HHIPL1: variants seen among roughly 807,000 people sequenced by gnomAD.
The protein encoded by HHIPL1 is HHIP-like protein 1.
In HHIPL1, 43 loss-of-function variants were observed where a neutral mutation model predicts 61.8. That is an observed-to-expected ratio of 0.70 (90% CI 0.55 to 0.90). HHIPL1 has a LOEUF of 0.90. HHIPL1 is among the 40% of genes least tolerant of loss of function. The pLI, the probability that HHIPL1 is intolerant of heterozygous loss-of-function variation, is 0.00. For synonymous variants in HHIPL1, 482 were observed against 515.8 expected (o/e 0.93, Z 0.89); for missense variants, 1,056 against 1,157.7 (o/e 0.91, Z 1.28).
At chr14:99,628,973 A>G in the HHIPL1 span, among the ~76,000 whole-genome samples, 1 of 152,274 alleles carries the variant, frequency 6.6e-6, no homozygotes, top group South Asian at 2.1e-4. Flanking sequence ...TGTCCTGGTC[A>G]CCGCGGCGCT....
intron 3 of HHIPL1, among the ~76,000 whole-genome samples, chr14:99,657,672 C>T (rs564444714): frequency 6.6e-6 from 1 of 152,252 alleles, no homozygotes; most frequent in East Asian, 1.9e-4. Flanking sequence ...CTCAAGATCT[C>T]ATTCCATTAC....
chr14:99,640,469 G>A (rs1054201516), upstream of HHIPL1, among the ~76,000 whole-genome samples: 6 of 151,880 alleles, frequency 4.0e-5, no homozygotes, highest in Admixed American at 2.6e-4. Flanking sequence ...ATTTTTTGTC[G>A]AGACAGGGCT....
rs1237983153 is a variant in HHIPL1, at chr14:99,660,323, G to C, written c.1419G>C (p.Lys473Asn). 6.2e-7 allele frequency: 1 copy of C among 1,614,128 alleles called. No homozygotes were observed. The highest frequency in any genetic ancestry group is 1.7e-5 in the Admixed American group (1 of 60,026). The stretch of plus-strand genomic sequence containing the variant: ...TCGCCTACCCGCACACGGTTGGCAA[G>C]TCGGTCACAGGGGGCTACGTGTACC... The part of the protein sequence containing the change: ...PIFAYPHTVG[K>N]SVTGGYVYRG... Residue 473 changes from lysine (K) to asparagine (N), a missense_variant, in exon 5 of 9, where the codon AAG becomes AAC. Lys to Asn is a moderately conservative substitution (Grantham distance 94, BLOSUM62 0). Coordinates refer to ENST00000330710, the MANE Select transcript of HHIPL1 (RefSeq NM_001127258.3). The surrounding 1 kb of genome is among the most constrained non-coding windows in gnomAD (Gnocchi z 4.9).
the HHIPL1 span, among the ~76,000 whole-genome samples, chr14:99,608,164 A>T: frequency 9.9e-3 from 1,511 of 152,192 alleles, 11 homozygotes; most frequent in Non-Finnish European, 0.015. Context: ...CAGCTGGGGT[A>T]TACAGAAGGG....
chr14:99,664,673 A>G (rs2056213586), intron 6 of HHIPL1, among the ~76,000 whole-genome samples: 1 of 152,184 alleles, frequency 6.6e-6, no homozygotes, highest in Admixed American at 6.5e-5. Context: ...TTACAAAACA[A>G]GTACCTCTGC....
rs2055948175 is a variant in HHIPL1 at position 99,652,402 on chromosome 14, T to G, written c.434T>G (p.Phe145Cys). ...GCGCTGGAGGGCAACCTTGCCAGGT[T>G]CTGCCGCTACCTGTCCCTGGATGAC... Reference protein sequence around the residue: ...LWALEGNLARFCRYLSLDDTD... With the variant: ...LWALEGNLARCCRYLSLDDTD... Residue 145 changes from phenylalanine (F) to cysteine (C), a missense_variant, in exon 2 of 9, where the codon TTC becomes TGC. By Grantham distance (205) the Phe-to-Cys change is radical. Coordinates refer to ENST00000330710, the MANE Select transcript of HHIPL1 (RefSeq NM_001127258.3). 3 of 1,614,230 alleles carry G rather than the reference T, an allele frequency of 1.9e-6. No homozygotes were observed. The highest frequency in any genetic ancestry group is 2.5e-6 in the Non-Finnish European group (3 of 1,180,050).
chr14:99,645,291 G>C lies in HHIPL1; in HGVS notation c.84G>C (p.Pro28=). 6.9e-7 allele frequency: 1 copy of C among 1,447,764 alleles called. No individual in the cohort carries two copies. Among genetic ancestry groups the C allele is most frequent in the Middle Eastern group, 2.5e-4 (1 of 4,068 alleles). 89.7% of individuals were successfully genotyped at this position (1,447,764 alleles called of 1,614,324 possible). A position where few individuals can be genotyped will look rare whatever the true frequency, so the allele number is the denominator to read the frequency against. The change falls in exon 1 of 9, where the codon CCG becomes CCC. Residue 28 remains proline (P), a synonymous_variant. Coordinates refer to ENST00000330710, the MANE Select transcript of HHIPL1 (RefSeq NM_001127258.3). ...AAHPQCLDFR[P]PFRPTQPLRL... ...ATCCGCAGTGCCTGGACTTCAGGCC[G>C]CCCTTCCGGCCGACGCAGCCGCTGC... is the stretch of plus-strand genomic sequence containing the variant.
intron 1 of HHIPL1, 79 bp downstream of exon 1, chr14:99,645,541 G>C (rs1441386994): frequency 1.6e-6 from 2 of 1,227,244 alleles, no homozygotes; most frequent in Non-Finnish European, 2.0e-6. Context: ...CCCCGCGGGG[G>C]CGAGGGCCAA....
At chr14:99,610,469 TAGTG>T in the HHIPL1 span, among the ~76,000 whole-genome samples, 2 of 152,156 alleles carry the variant, frequency 1.3e-5, no homozygotes, top group African/African-American at 2.4e-5. Context: ...CCTTATAAGA[TAGTG>T]TTTAGACCAG....
the HHIPL1 span, among the ~76,000 whole-genome samples, chr14:99,610,256 T>C: frequency 6.6e-6 from 1 of 152,182 alleles, no homozygotes; most frequent in Non-Finnish European, 1.5e-5. Context: ...ATTATTCTTA[T>C]GGTGAACTGG....
intron 3 of HHIPL1, among the ~76,000 whole-genome samples, chr14:99,658,837 C>A (rs1202331376): frequency 1.3e-5 from 2 of 151,512 alleles, no homozygotes; most frequent in African/African-American, 4.9e-5. Context: ...ACTTAATGGT[C>A]ACCTACTATG....
chr14:99,671,206 G>A (rs2056322930), intron 7 of HHIPL1, among the ~76,000 whole-genome samples: 1 of 152,188 alleles, frequency 6.6e-6, no homozygotes, highest in South Asian at 2.1e-4. Flanking sequence ...GGGAGTGGAG[G>A]AGGTAGGGTC....
chr14:99,629,763 G>A, the HHIPL1 span, among the ~76,000 whole-genome samples: 3 of 152,062 alleles, frequency 2.0e-5, no homozygotes, highest in Admixed American at 6.5e-5. Flanking sequence ...TCAGCCTCCC[G>A]AAGTGCTGGG....
At chr14:99,643,864 C>G (rs1314476612), upstream of HHIPL1, among the ~76,000 whole-genome samples, 2 of 152,174 alleles carry the variant, frequency 1.3e-5, no homozygotes, top group Non-Finnish European at 2.9e-5. Context: ...TTGTGAGGGT[C>G]CAGCTTTGAC....
rs1022652748 is a variant in HHIPL1, at chr14:99,668,493, C to A, written c.1730+190C>A. Among the ~76,000 whole-genome samples the A allele has an allele frequency of 1.3e-5, 2 of 152,154 alleles. No homozygotes were observed. Among genetic ancestry groups the A allele is most frequent in the African/African-American group, 4.8e-5 (2 of 41,434 alleles). On this transcript the variant is annotated intron_variant, in intron 7 of 8. Coordinates refer to ENST00000330710, the MANE Select transcript of HHIPL1 (RefSeq NM_001127258.3). The surrounding 1 kb of genome is among the most constrained non-coding windows in gnomAD (Gnocchi z 4.7). ...GCAAGGGGCAGACCCAGGATTCAGA[C>A]CCGGGTCTGCACGCCTCAAAGCACA... is the stretch of plus-strand genomic sequence containing the variant.
the HHIPL1 span, among the ~76,000 whole-genome samples, chr14:99,629,949 A>G: frequency 6.6e-6 from 1 of 152,212 alleles, no homozygotes; most frequent in Admixed American, 6.5e-5. Context: ...AACTGACAGG[A>G]GGCCGCTTGA....
chr14:99,667,087 C>T (rs942944465), intron 6 of HHIPL1, among the ~76,000 whole-genome samples: 8 of 151,778 alleles, frequency 5.3e-5, no homozygotes, highest in African/African-American at 2.0e-4. Context: ...TGGGGAAACC[C>T]CCCTCCCTGC....
chr14:99,655,640 A>G (rs1388229302), intron 2 of HHIPL1, among the ~76,000 whole-genome samples: 1 of 152,144 alleles, frequency 6.6e-6, no homozygotes, highest in Non-Finnish European at 1.5e-5. Context: ...AAAGAAAGAA[A>G]AAGAAGGGAT....
intron 3 of HHIPL1, among the ~76,000 whole-genome samples, chr14:99,658,671 C>A (rs1435236275): frequency 6.6e-6 from 1 of 152,186 alleles, no homozygotes; most frequent in African/African-American, 2.4e-5. Context: ...AAGCACATTA[C>A]AGATTTTTCC....
Sources: allele counts gnomAD v4.1 joint callset (sites outside exome capture counted in the v4.1 genomes callset), GRCh38; gene constraint gnomAD v4.1.1; non-coding constraint Gnocchi (gnomAD v3.1); transcripts MANE v1.5; gene names NCBI Gene and HGNC (gene_info 2026-07-23, HGNC 2026-07-21).